The following PARP14 variants were observed in gnomAD, a reference collection of about 807,000 sequenced individuals.
PARP14 encodes protein mono-ADP-ribosyltransferase PARP14.
A neutral mutation model predicts 154.2 loss-of-function variants in PARP14; 59 were observed. The observed-to-expected ratio is 0.38, with a 90% CI of 0.31 to 0.48. The LOEUF is 0.48. PARP14 is among the 20% of genes least tolerant of loss of function. The probability of loss-of-function intolerance (pLI) is 0.98; values close to 1 mark genes in which losing one functional copy is unlikely to be tolerated. For missense variants in PARP14, 1,734 were observed against 2,131.6 expected, an observed-to-expected ratio of 0.81 and a Z score of 3.67; for synonymous variants, 720 against 780.5, an observed-to-expected ratio of 0.92 and a Z score of 1.29.
At chr3:122,694,102 G>T (rs918508816) in intron 4 of PARP14, among the ~76,000 whole-genome samples, 9 of 152,136 alleles carry the variant, frequency 5.9e-5, no homozygotes, top group African/African-American at 2.2e-4. Flanking sequence ...ATAGCCTGGG[G>T]TCAGGGAGGA....
chr3:122,689,506 A>G (rs532445123), intron 3 of PARP14, among the ~76,000 whole-genome samples: 1 of 152,216 alleles, frequency 6.6e-6, no homozygotes, highest in South Asian at 2.1e-4. Context: ...TCGTGGTCTC[A>G]CTATGTTACC....
At chr3:122,695,296 T>A (rs1056057811) in intron 4 of PARP14, 130 bp from the exon 5 acceptor site, 2 of 599,282 alleles carry the variant, frequency 3.3e-6, no homozygotes, top group African/African-American at 1.9e-5. Flanking sequence ...GGTATTAAAA[T>A]CTTGTGTCTA....
intron 9 of PARP14, among the ~76,000 whole-genome samples, chr3:122,713,077 C>G (rs142652235): frequency 4.7e-4 from 71 of 152,336 alleles, no homozygotes; most frequent in African/African-American, 1.7e-3. Flanking sequence ...AGTTTTGGCA[C>G]CTTTCTTCAA....
chr3:122,695,591 G>T lies in PARP14; in HGVS notation c.764G>T (p.Gly255Val), dbSNP rs774995612. 1.2e-5 allele frequency: 20 copies of T among 1,610,958 alleles called. No homozygotes were observed. In the African/African-American group the frequency reaches 2.0e-4, roughly 16 times the overall value. Reference sequence around the variant, plus strand: ...TTCTTTGAAAATCCCTATAATGGAGGGGGAAGAGTTGCCAATGTTGAATAT... The same window carrying T: ...TTCTTTGAAAATCCCTATAATGGAGTGGGAAGAGTTGCCAATGTTGAATAT... The part of the protein sequence containing the change: ...KLFFENPYNG[G>V]GRVANVEYFP... Residue 255 changes from glycine to valine, a missense_variant, in exon 5 of 17, where the codon GGG becomes GTG. This residue lies in a region of PARP14 where 1,646 missense variants were observed against 1,976.0 expected (regional missense o/e 0.83). Transcript: ENST00000474629.
intron 1 of PARP14, among the ~76,000 whole-genome samples, chr3:122,683,800 C>T (rs1378840594): frequency 1.3e-5 from 2 of 152,180 alleles, no homozygotes; most frequent in East Asian, 1.9e-4. Flanking sequence ...CAGACTGGCA[C>T]ATTTAGATGC....
At chr3:122,688,488 T>A (rs1372436307) in intron 3 of PARP14, among the ~76,000 whole-genome samples, 1 of 152,236 alleles carries the variant, frequency 6.6e-6, no homozygotes, top group South Asian at 2.1e-4. Context: ...AACCTGTTTT[T>A]ACCCGACCTG....
chr3:122,729,434 CTTT>C lies in PARP14; in HGVS notation c.*852_*854del, dbSNP rs35035581. On this transcript the variant is annotated 3_prime_UTR_variant, in exon 17 of 17. Coordinates refer to ENST00000474629, the MANE Select transcript of PARP14 (RefSeq NM_017554.3). ...TTTTTAATGCTGAACCAAAATGTGC[CTTT>C]TTTTTTTTTTTTTTGAGATGGAGTT... The C allele has an allele frequency of 2.5e-4, 33 of 133,864 alleles. No homozygotes were observed. The highest frequency in any genetic ancestry group is 4.4e-4 in the East Asian group (2 of 4,524). 8.3% of individuals were successfully genotyped at this position (133,864 alleles called of 1,614,324 possible).
chr3:122,700,512 A>T lies in PARP14; in HGVS notation c.1958A>T (p.Glu653Val), dbSNP rs1463773024. ...GTCATCATTACAGGCTGTGTAAAAG[A>T]AGTAAATGAAACCTATAAATTGCTT... ...AEVIITGCVK[E>V]VNETYKLLFN... The change falls in exon 6 of 17, where the codon GAA becomes GTA. Residue 653 changes from glutamate (E) to valine (V), a missense_variant. By Grantham distance (121) the Glu-to-Val change is moderately radical. Around this residue, in one of 2 missense-constraint regions of PARP14, gnomAD observed 1,646 missense variants for 1,976.0 expected, o/e 0.83. Transcript: ENST00000474629. 3 of 1,606,328 alleles carry T rather than the reference A, an allele frequency of 1.9e-6. 1 individual carries two copies. The Admixed American group carries it at 5.1e-5, about 27-fold the overall frequency.
chr3:122,720,664 A>T, intron 15 of PARP14: 1 of 483,852 alleles, frequency 2.1e-6, no homozygotes, highest in South Asian at 1.9e-5. Context: ...ATTCAAAGAT[A>T]TGGCTTTAAA....
At chr3:122,698,463 G>T (rs536921418) in intron 5 of PARP14, among the ~76,000 whole-genome samples, 1 of 152,212 alleles carries the variant, frequency 6.6e-6, no homozygotes, top group South Asian at 2.1e-4. Flanking sequence ...CCAGGAGGAG[G>T]TGTGGTTCTT....
In PARP14 at chr3:122,699,658, A is replaced by G. The variant is rs766233408; in HGVS notation, c.1104A>G (p.Pro368=). 1 of 1,614,074 alleles carries G rather than the reference A, an allele frequency of 6.2e-7. No individual in the cohort carries two copies. ...TCAGTGGTAAAGTTACCATCAGACC[A>G]GCAGCCACCTTAGTCAATGAAGGAA... ...SQLSGKVTIR[P]AATLVNEGRP... The change falls in exon 6 of 17, where the codon CCA becomes CCG. Residue 368 remains proline (P), a synonymous_variant. Transcript: ENST00000474629.
Position 122,720,277 on chromosome 3 carries a change from T to A in PARP14, c.4830T>A (p.Ser1610Arg). The change falls in exon 15 of 17, where the codon AGT (serine) becomes AGA (arginine). Residue 1610 changes from serine to arginine, a missense_variant. Ser to Arg is a moderately radical substitution (Grantham distance 110). This residue lies in a region of PARP14 where 1,646 missense variants were observed against 1,976.0 expected (regional missense o/e 0.83). Coordinates refer to ENST00000474629, the MANE Select transcript of PARP14 (RefSeq NM_017554.3). ...CAGTTGACATCCCTGCACACTGGAG[T>A]GATATGAAGCAGCAGAATTTCTGTG... ...KSKVDIPAHW[S>R]DMKQQNFCVV... The A allele has an allele frequency of 6.2e-7, 1 of 1,613,178 alleles. No homozygotes were observed. The highest frequency in any genetic ancestry group is 1.1e-5 in the South Asian group (1 of 90,814).
intron 9 of PARP14, among the ~76,000 whole-genome samples, chr3:122,708,767 C>G (rs1576594114): frequency 6.6e-6 from 1 of 152,082 alleles, no homozygotes; most frequent in East Asian, 1.9e-4. Context: ...TACTGTGGTG[C>G]TAAGCCTTTT....
At chr3:122,686,246 TG>T (rs1200522285) in intron 2 of PARP14, among the ~76,000 whole-genome samples, 6 of 152,174 alleles carry the variant, frequency 3.9e-5, no homozygotes, top group Non-Finnish European at 8.8e-5. Flanking sequence ...CTTGACCTCC[TG>T]GGCTTAGGTG....
chr3:122,699,297 AT>A (rs905133099), intron 5 of PARP14, 92 bp from the exon 6 acceptor site: 107 of 663,192 alleles, frequency 1.6e-4, no homozygotes, highest in Middle Eastern at 5.5e-4. Context: ...AAAACATTAG[AT>A]TTTTTTTTCT....
rs753484618 is a variant in PARP14, at chr3:122,699,602, C to T, written c.1048C>T (p.Arg350Cys). ...TGAGGAGATAAACGATGAAATGAGG[C>T]GTTGTCACTGTGAGCTCACGTGGTC... ...LIEEINDEMR[R>C]CHCELTWSQL... The change falls in exon 6 of 17, where the codon CGT becomes TGT. Residue 350 changes from arginine (R) to cysteine (C), a missense_variant. Arg to Cys is a radical substitution (Grantham distance 180). Transcript: ENST00000474629. 7 of 1,613,606 alleles carry T rather than the reference C, an allele frequency of 4.3e-6. No homozygotes were observed. The highest frequency in any genetic ancestry group is 4.0e-5 in the African/African-American group (3 of 74,916).
At chr3:122,711,220 G>T (rs1201494716) in intron 9 of PARP14, among the ~76,000 whole-genome samples, 1 of 152,084 alleles carries the variant, frequency 6.6e-6, no homozygotes, top group Non-Finnish European at 1.5e-5. Flanking sequence ...GTTGGCTGTG[G>T]ATTTGTCACA....
chr3:122,683,338 T>C (rs536050569), intron 1 of PARP14: 176 of 963,240 alleles, frequency 1.8e-4, no homozygotes, highest in Non-Finnish European at 1.2e-4. Flanking sequence ...ATTTGATTCA[T>C]ATAAACTGTA....
At position 122,699,722 on chromosome 3, in the gene PARP14, A is replaced by G; in HGVS notation, c.1168A>G (p.Thr390Ala). The G allele has an allele frequency of 3.1e-6, 5 of 1,614,028 alleles. No homozygotes were observed. Among genetic ancestry groups the G allele is most frequent in the South Asian group, 1.1e-5 (1 of 91,086 alleles). The change falls in exon 6 of 17, where the codon ACA (threonine) becomes GCA (alanine). Residue 390 changes from threonine (T) to alanine (A), a missense_variant. Around this residue, in one of 2 missense-constraint regions of PARP14, gnomAD observed 1,646 missense variants for 1,976.0 expected, o/e 0.83. Transcript: ENST00000474629. ...IKTWQADTST[T>A]LSSIRSKYKV... Reference sequence around the variant, plus strand: ...GACCTGGCAGGCAGATACTTCCACAACACTCTCTAGCATCAGGTCTAAATA... The same window carrying G: ...GACCTGGCAGGCAGATACTTCCACAGCACTCTCTAGCATCAGGTCTAAATA...
Sources: gnomAD v4.1 joint callset for allele counts (sites outside exome capture counted in the v4.1 genomes callset) on GRCh38, gnomAD v4.1.1 for gene constraint, gnomAD v4.1.1 regional missense constraint, MANE v1.5 for transcripts, NCBI Gene and HGNC (gene_info 2026-07-23, HGNC 2026-07-21) for gene names.